The following SYNE1 variants were observed in gnomAD, a reference collection of about 807,000 sequenced individuals.
The protein encoded by SYNE1 is nesprin-1.
A neutral mutation model predicts 1,111.0 loss-of-function variants in SYNE1; 616 were observed. That is an observed-to-expected ratio of 0.55 (90% CI 0.52 to 0.59). SYNE1 has a LOEUF of 0.59. SYNE1 is among the 20% of genes least tolerant of loss of function. The pLI, the probability that SYNE1 is intolerant of heterozygous loss-of-function variation, is 0.00. For missense variants in SYNE1, 10,006 were observed against 10,417.0 expected, an observed-to-expected ratio of 0.96 and a Z score of 1.72; for synonymous variants, 3,855 against 3,825.8, an observed-to-expected ratio of 1.01 and a Z score of -0.28.
At chr6:152,375,766 G>A (rs1308443706) in intron 58 of SYNE1, among the ~76,000 whole-genome samples, 2 of 152,134 alleles carry the variant, frequency 1.3e-5, no homozygotes, top group East Asian at 1.9e-4. Context: ...TCCACTTAAA[G>A]TGCTCAGGAA....
intron 56 of SYNE1, among the ~76,000 whole-genome samples, chr6:152,377,876 G>A (rs532922): frequency 4.0e-5 from 6 of 151,658 alleles, no homozygotes; most frequent in Admixed American, 1.3e-4. Context: ...GTCCCCCCAC[G>A]AATAAAGGTA....
chr6:152,140,232 TA>T, intron 139 of SYNE1, 71 bp from the exon 140 acceptor site: 1 of 1,522,272 alleles, frequency 6.6e-7, no homozygotes, highest in Non-Finnish European at 9.1e-7. Flanking sequence ...GCTTTAAACA[TA>T]GGTTGGCAGC....
chr6:152,599,871 T>C (rs1333477998), intron 3 of SYNE1, among the ~76,000 whole-genome samples: 3 of 152,132 alleles, frequency 2.0e-5, no homozygotes, highest in African/African-American at 4.8e-5. Flanking sequence ...TACAAGTCAA[T>C]AGATGAAGAT....
chr6:152,330,834 A>T lies in SYNE1; in HGVS notation c.13851T>A (p.Asn4617Lys). ...CAGTTCTCTGCAGCGTAAGTAGAAG[A>T]TTTTCATATTCTGGAGATTGTTCAA... ...NILEQSPEYE[N>K]LLLTLQRTGQ... Residue 4617 changes from asparagine (N) to lysine (K), a missense_variant, in exon 78 of 146, where the codon AAT becomes AAA. Physicochemically the swap from Asn to Lys is moderately conservative, Grantham distance 94. Coordinates refer to ENST00000367255, the MANE Select transcript of SYNE1 (RefSeq NM_182961.4). 6.2e-7 allele frequency: 1 copy of T among 1,614,026 alleles called. No individual in the cohort carries two copies. Among genetic ancestry groups the T allele is most frequent in the South Asian group, 1.1e-5 (1 of 91,076 alleles).
chr6:152,496,995 A>C (rs1212886239), intron 11 of SYNE1, among the ~76,000 whole-genome samples: 6 of 150,146 alleles, frequency 4.0e-5, no homozygotes, highest in African/African-American at 7.4e-5. Flanking sequence ...AAGAGAAAAA[A>C]CCCCTTTGAC....
chr6:152,129,550 T>C (rs1462527797), intron 145 of SYNE1: 1 of 117,306 alleles, frequency 8.5e-6, no homozygotes, highest in African/African-American at 3.5e-5. Flanking sequence ...GCTATTTTGT[T>C]TAGGCTAGAA....
intron 17 of SYNE1, 57 bp downstream of exon 17, chr6:152,465,921 ACCTG>A: frequency 8.3e-7 from 1 of 1,202,712 alleles, no homozygotes; most frequent in African/African-American, 1.5e-5. Context: ...TCAGATAGAA[ACCTG>A]CAGGCTCTAA....
At chr6:152,194,090 T>C (rs1339794917) in intron 127 of SYNE1, among the ~76,000 whole-genome samples, 1 of 152,212 alleles carries the variant, frequency 6.6e-6, no homozygotes, top group Non-Finnish European at 1.5e-5. Context: ...GTATTTACTA[T>C]TACCAGTGAG....
intron 132 of SYNE1, 162 bp from the exon 133 acceptor site, chr6:152,155,204 A>G: frequency 1.4e-6 from 1 of 721,358 alleles, no homozygotes; most frequent in Non-Finnish European, 2.3e-6. Flanking sequence ...AGCAAGAGAG[A>G]CAACTGCTTG....
intron 90 of SYNE1, among the ~76,000 whole-genome samples, chr6:152,309,058 C>T (rs2095469276): frequency 6.6e-6 from 1 of 152,150 alleles, no homozygotes; most frequent in Admixed American, 6.5e-5. Context: ...GTGGCTCAAG[C>T]CTGTAATCTC....
At chr6:152,480,454 G>A (rs2098883620) in intron 14 of SYNE1, among the ~76,000 whole-genome samples, 1 of 152,208 alleles carries the variant, frequency 6.6e-6, no homozygotes, top group African/African-American at 2.4e-5. Context: ...CTGGGAAGAA[G>A]AGGTTGCAAT....
In SYNE1 at chr6:152,135,160, G is replaced by T; in HGVS notation, c.25732C>A (p.Pro8578Thr). The stretch of plus-strand genomic sequence containing the variant: ...TCTGCATCAAGGTTAGAATCAATAG[G>T]GACAATTTCATTTTTCCTTCTGTCA... ...NIDRRKNEIV[P>T]IDSNLDAEIL... The change falls in exon 142 of 146, where the codon CCT becomes ACT. Residue 8578 changes from proline (P) to threonine (T), a missense_variant. Coordinates refer to ENST00000367255, the MANE Select transcript of SYNE1 (RefSeq NM_182961.4). The T allele has an allele frequency of 6.2e-7, 1 of 1,613,968 alleles. No individual in the cohort carries two copies.
intron 80 of SYNE1, 139 bp from the exon 81 acceptor site, chr6:152,325,441 A>G: frequency 1.3e-6 from 1 of 754,978 alleles, no homozygotes. Flanking sequence ...TCCTCTAGGT[A>G]CTCTTACTTT....
Position 152,350,211 on chromosome 6 carries a change from G to C in SYNE1, c.11858C>G (p.Thr3953Arg). ...GRLVAPDLLETSSLETITQQL... is the reference protein window; with the variant it reads ...GRLVAPDLLERSSLETITQQL... ...CTGGGTGATTGTCTCCAGGCTGCTTGTCTCCAGGAGGTCAGGTGCCACCAG... is the reference window on the plus strand; with the variant it reads ...CTGGGTGATTGTCTCCAGGCTGCTTCTCTCCAGGAGGTCAGGTGCCACCAG... Residue 3953 changes from threonine (T) to arginine (R), a missense_variant, in exon 72 of 146, where the codon ACA becomes AGA. Physicochemically the swap from Thr to Arg is moderately conservative, Grantham distance 71. This residue lies in a region of SYNE1 where 4,955 missense variants were observed against 5,017.2 expected (regional missense o/e 0.99). Transcript: ENST00000367255. The C allele has an allele frequency of 6.2e-7, 1 of 1,613,958 alleles. No individual in the cohort carries two copies. The highest frequency in any genetic ancestry group is 8.5e-7 in the Non-Finnish European group (1 of 1,180,034).
At chr6:152,595,341 C>A (rs2099577942) in intron 3 of SYNE1, among the ~76,000 whole-genome samples, 1 of 152,228 alleles carries the variant, frequency 6.6e-6, no homozygotes, top group African/African-American at 2.4e-5. Context: ...CTTGATTTCA[C>A]ACATCATCAT....
intron 90 of SYNE1, 46 bp from the exon 91 acceptor site, chr6:152,308,678 T>TA: frequency 6.3e-7 from 1 of 1,580,722 alleles, no homozygotes; most frequent in Non-Finnish European, 8.6e-7. Context: ...TTTTTTTCTC[T>TA]ACCAATAACT....
At chr6:152,241,817 G>A (rs1203384421) in intron 107 of SYNE1, among the ~76,000 whole-genome samples, 2 of 152,106 alleles carry the variant, frequency 1.3e-5, no homozygotes, top group Non-Finnish European at 2.9e-5. Flanking sequence ...CGAGGACAAG[G>A]GAGGGCAAAG....
At chr6:152,326,758 T>A in intron 78 of SYNE1, 125 bp from the exon 79 acceptor site, 1 of 863,118 alleles carries the variant, frequency 1.2e-6, no homozygotes, top group South Asian at 1.5e-5. Context: ...AGTGCATTGA[T>A]AAGTTAGTGG....
At chr6:152,193,794 G>T (rs751535357) in intron 127 of SYNE1, among the ~76,000 whole-genome samples, 21 of 151,978 alleles carry the variant, frequency 1.4e-4, no homozygotes, top group Non-Finnish European at 2.8e-4. Flanking sequence ...GGCAGATCAT[G>T]AGGTTAGGAG....
Sources: gnomAD v4.1 joint callset for allele counts (sites outside exome capture counted in the v4.1 genomes callset) on GRCh38, gnomAD v4.1.1 for gene constraint, gnomAD v4.1.1 regional missense constraint, MANE v1.5 for transcripts, NCBI Gene and HGNC (gene_info 2026-07-23, HGNC 2026-07-21) for gene names.